The following LTBP1 variants were observed in gnomAD, a reference collection of about 807,000 sequenced individuals.
LTBP1 encodes latent-transforming growth factor beta-binding protein 1.
In LTBP1, 129 loss-of-function variants were observed where a neutral mutation model predicts 207.6. The observed-to-expected ratio is 0.62, with a 90% CI of 0.54 to 0.72. The LOEUF is 0.72. Among genes scored for constraint, LTBP1 ranks in the 30% least tolerant of loss-of-function variants. LTBP1 has a pLI of 0.00. For missense variants in LTBP1, 2,281 were observed against 2,217.2 expected (o/e 1.03, Z -0.58); for synonymous variants, 963 against 833.7 (o/e 1.16, Z -2.67).
chr2:33,252,922 A>G (rs2092724163), intron 11 of LTBP1, 78 bp downstream of exon 11: 1 of 1,275,360 alleles, frequency 7.8e-7, no homozygotes, highest in Admixed American at 2.4e-5. Flanking sequence ...ACCTTGGGTC[A>G]TTTGTGGTTT....
intron 10 of LTBP1, among the ~76,000 whole-genome samples, chr2:33,244,645 A>G (rs1553466428): frequency 6.6e-6 from 1 of 152,074 alleles, no homozygotes; most frequent in Non-Finnish European, 1.5e-5. Flanking sequence ...GCACTGTAAG[A>G]TTTTTTTTAA....
chr2:33,100,393 T>C (rs1558636469), intron 3 of LTBP1, among the ~76,000 whole-genome samples: 1 of 151,766 alleles, frequency 6.6e-6, no homozygotes, highest in African/African-American at 2.4e-5. Flanking sequence ...GACTTGACAC[T>C]GTGTCATCCA....
intron 8 of LTBP1, among the ~76,000 whole-genome samples, 196 bp from the exon 9 acceptor site, chr2:33,221,884 C>T (rs116594800): frequency 9.6e-4 from 146 of 152,104 alleles, no homozygotes; most frequent in African/African-American, 3.4e-3. Flanking sequence ...TTTCTTGGGA[C>T]TTTATTGCAA....
chr2:33,253,067 T>C (rs2092727530), intron 11 of LTBP1, among the ~76,000 whole-genome samples: 1 of 152,224 alleles, frequency 6.6e-6, no homozygotes, highest in East Asian at 1.9e-4. Flanking sequence ...TCAGACTTCC[T>C]TTTGAATATT....
rs190991937 is a variant in LTBP1 at position 33,368,194 on chromosome 2, G to A, written c.4711+2691G>A. On this transcript the variant is annotated intron_variant, in intron 31 of 33. Coordinates refer to ENST00000404816, the MANE Select transcript of LTBP1 (RefSeq NM_206943.4). ...TGCACTCCAGCCTGGGCGACAGAGCGAGACTCTGTCTCAAAAAAAAAAAGA... is the reference window on the plus strand; with the variant it reads ...TGCACTCCAGCCTGGGCGACAGAGCAAGACTCTGTCTCAAAAAAAAAAAGA... Among the ~76,000 whole-genome samples the A allele has an allele frequency of 1.6e-3, 237 of 151,466 alleles. 2 individuals carry two copies. The highest frequency in any genetic ancestry group is 9.9e-4 in the Non-Finnish European group (67 of 67,884).
chr2:33,254,216 A>G (rs1006966258), intron 11 of LTBP1, among the ~76,000 whole-genome samples: 3 of 151,942 alleles, frequency 2.0e-5, no homozygotes, highest in Non-Finnish European at 4.4e-5. Context: ...TAATTTATAG[A>G]CACGTTTCTC....
chr2:33,207,820 G>T (rs1032824649), intron 7 of LTBP1, among the ~76,000 whole-genome samples: 11 of 152,194 alleles, frequency 7.2e-5, no homozygotes, highest in African/African-American at 2.7e-4. Flanking sequence ...GTGTTCATGA[G>T]ATTTTCTAGT....
intron 2 of LTBP1, among the ~76,000 whole-genome samples, chr2:32,977,811 C>T (rs990930144): frequency 9.2e-5 from 14 of 152,172 alleles, no homozygotes; most frequent in African/African-American, 3.4e-4. Context: ...TGTCCCCTTG[C>T]TGCCTTGATG....
At chr2:33,219,477 A>G (rs770896950) in intron 8 of LTBP1, among the ~76,000 whole-genome samples, 21 of 152,082 alleles carry the variant, frequency 1.4e-4, no homozygotes, top group Non-Finnish European at 2.5e-4. Flanking sequence ...TTCATTTGCT[A>G]TTGAGTCTTA....
At chr2:33,165,570 C>A (rs1439558422) in intron 5 of LTBP1, among the ~76,000 whole-genome samples, 1 of 152,154 alleles carries the variant, frequency 6.6e-6, no homozygotes, top group Non-Finnish European at 1.5e-5. Context: ...TTTAGCTTTG[C>A]GGTGCAGACC....
At chr2:33,392,574 T>C (rs1360088716) in intron 32 of LTBP1, among the ~76,000 whole-genome samples, 2 of 152,136 alleles carry the variant, frequency 1.3e-5, no homozygotes, top group Non-Finnish European at 2.9e-5. Flanking sequence ...CAGCCCTAGA[T>C]AGCACAGCAG....
intron 31 of LTBP1, 58 bp from the exon 32 acceptor site, chr2:33,389,126 G>T (rs2150572045): frequency 6.2e-7 from 1 of 1,609,716 alleles, no homozygotes; most frequent in South Asian, 1.1e-5. Context: ...GCTGCGAGGG[G>T]GTGGGGCAGG....
intron 3 of LTBP1, among the ~76,000 whole-genome samples, chr2:33,052,625 A>G (rs1005010917): frequency 6.6e-6 from 1 of 152,252 alleles, no homozygotes; most frequent in Non-Finnish European, 1.5e-5. Context: ...CAAGTAAAGA[A>G]GAAAGTGTGA....
Position 33,397,279 on chromosome 2 carries a change from G to A in LTBP1, c.4981G>A (p.Val1661Ile), listed in dbSNP as rs139589314. The A allele has an allele frequency of 1.9e-6, 3 of 1,613,914 alleles. No homozygotes were observed. In the African/African-American group the frequency reaches 4.0e-5, roughly 22 times the overall value. ...CTTGGATACGGCCAAGATGACCTGT[G>A]TCGGTAAGAATGACGTGTGTTTTAT... ...YHLDTAKMTC[V>I]DVNECDELNN... is the part of the protein sequence containing the mutation. Residue 1661 changes from valine (V) to isoleucine (I), a missense_variant, in exon 33 of 34, where the codon GTC (valine) becomes ATC (isoleucine). Coordinates refer to ENST00000404816, the MANE Select transcript of LTBP1 (RefSeq NM_206943.4).
chr2:33,022,431 G>T (rs1320415184), intron 3 of LTBP1, among the ~76,000 whole-genome samples: 1 of 152,028 alleles, frequency 6.6e-6, no homozygotes, highest in Non-Finnish European at 1.5e-5. Flanking sequence ...GGTAAGATAG[G>T]TATAGCTAAT....
chr2:33,111,215 G>A (rs1000981603), intron 4 of LTBP1, among the ~76,000 whole-genome samples: 8 of 152,142 alleles, frequency 5.3e-5, no homozygotes, highest in African/African-American at 1.4e-4. Context: ...AGCAGCTGGC[G>A]TGGCAGATTT....
At chr2:33,110,982 G>T (rs541477804) in intron 4 of LTBP1, among the ~76,000 whole-genome samples, 1 of 152,154 alleles carries the variant, frequency 6.6e-6, no homozygotes, top group African/African-American at 2.4e-5. Flanking sequence ...TGACCTGCCT[G>T]TCATTCTGTT....
At chr2:33,368,995 G>A (rs986308895) in intron 31 of LTBP1, among the ~76,000 whole-genome samples, 2 of 151,976 alleles carry the variant, frequency 1.3e-5, no homozygotes, top group Non-Finnish European at 2.9e-5. Context: ...GAATAATGTA[G>A]CAATATTCTA....
intron 5 of LTBP1, among the ~76,000 whole-genome samples, chr2:33,146,549 T>G (rs1558702775): frequency 6.6e-6 from 1 of 152,202 alleles, no homozygotes; most frequent in Admixed American, 6.5e-5. Flanking sequence ...ATCACATGTA[T>G]TAGTCCATTC....
Sources: gnomAD v4.1 joint callset for allele counts (sites outside exome capture counted in the v4.1 genomes callset) on GRCh38, gnomAD v4.1.1 for gene constraint, MANE v1.5 for transcripts, NCBI Gene and HGNC (gene_info 2026-07-23, HGNC 2026-07-21) for gene names.